The following PSMG2 variants were observed in gnomAD, a reference collection of about 807,000 sequenced individuals.
PSMG2 encodes the protein CD40 ligand-activated specific transcript 3.
Under a neutral mutation model 31.5 loss-of-function variants are expected in PSMG2, and 21 were observed. That is an observed-to-expected ratio of 0.67 (90% CI 0.47 to 0.96). The LOEUF is 0.96. Among genes scored for constraint, PSMG2 ranks in the 40% least tolerant of loss-of-function variants. The pLI is 0.00. For missense variants in PSMG2, 318 were observed against 321.2 expected (o/e 0.99, Z 0.08); for synonymous variants, 120 against 110.4 (o/e 1.09, Z -0.54).
chr18:12,699,829 C>CT (rs747064410), upstream of PSMG2: 89 of 1,509,298 alleles, frequency 5.9e-5, no homozygotes, highest in Admixed American at 2.1e-4. Context: ...AATATACATA[C>CT]TTTTTTTTAA....
At chr18:12,693,089 G>T (rs972039727) in intron 1 of PSMG2, among the ~76,000 whole-genome samples, 2 of 152,172 alleles carry the variant, frequency 1.3e-5, no homozygotes, top group Admixed American at 1.3e-4. Flanking sequence ...CTCCCAAAGT[G>T]CTGGGATTAC....
intron 1 of PSMG2, chr18:12,678,219 T>G (rs1013817335): frequency 6.2e-7 from 1 of 1,614,174 alleles, no homozygotes; most frequent in South Asian, 1.1e-5. Context: ...AGGGATGTTG[T>G]AGCTCCAGGA....
At chr18:12,707,078 C>T (rs1156624443) in intron 2 of PSMG2, among the ~76,000 whole-genome samples, 2 of 152,200 alleles carry the variant, frequency 1.3e-5, no homozygotes, top group Non-Finnish European at 2.9e-5. Context: ...ACCTCAGCCT[C>T]CCGAGTAGCT....
chr18:12,695,587 T>G (rs894253370), intron 1 of PSMG2, among the ~76,000 whole-genome samples: 8 of 147,754 alleles, frequency 5.4e-5, no homozygotes, highest in Admixed American at 4.0e-4. Context: ...CTTTTTCTTC[T>G]TTAAGTAGAG....
chr18:12,666,285 C>T (rs950715124), intron 1 of PSMG2, among the ~76,000 whole-genome samples: 11 of 152,074 alleles, frequency 7.2e-5, no homozygotes, highest in African/African-American at 2.2e-4. Flanking sequence ...GCTGTGATCA[C>T]ACCCCTGCAC....
intron 1 of PSMG2, among the ~76,000 whole-genome samples, chr18:12,664,758 G>A (rs2038771471): frequency 6.6e-6 from 1 of 150,440 alleles, no homozygotes; most frequent in African/African-American, 2.4e-5. Context: ...GAGTGCAGTG[G>A]TACAATCTCA....
At chr18:12,672,876 A>T (rs1240729552) in intron 1 of PSMG2, 51 of 985,238 alleles carry the variant, frequency 5.2e-5, no homozygotes, top group Non-Finnish European at 5.9e-5. Context: ...AATAAACCAC[A>T]AAAGTGGTAA....
chr18:12,687,202 A>T (rs1462579447), intron 1 of PSMG2, among the ~76,000 whole-genome samples: 38 of 152,138 alleles, frequency 2.5e-4, no homozygotes, highest in Admixed American at 2.4e-3. Context: ...ACCCTCCCTG[A>T]TAGGGTTCCT....
At position 12,724,551 on chromosome 18, in the gene PSMG2, G is replaced by A. The variant is rs780141358; in HGVS notation, c.634G>A (p.Asp212Asn). ...AVLLKFVSEG[D>N]NIPDALGLVE... ...TCTGCTGAAATTTGTTTCAGAAGGG[G>A]ACAACATCCCAGATGCATTAGGTCT... is the stretch of plus-strand genomic sequence containing the variant. Residue 212 changes from aspartate to asparagine, a missense_variant, in exon 6 of 7, where the codon GAC becomes AAC. Physicochemically the swap from Asp to Asn is conservative, Grantham distance 23. Transcript: ENST00000317615. The A allele has an allele frequency of 9.9e-6, 16 of 1,610,522 alleles. No homozygotes were observed. The highest frequency in any genetic ancestry group is 1.3e-5 in the Non-Finnish European group (15 of 1,178,554).
chr18:12,669,216 G>A (rs1033360586), intron 1 of PSMG2, among the ~76,000 whole-genome samples: 3 of 151,356 alleles, frequency 2.0e-5, no homozygotes, highest in Admixed American at 6.6e-5. Flanking sequence ...AGATTGAAGC[G>A]ATTCTCCTGT....
At chr18:12,679,971 A>C (rs535626835) in intron 1 of PSMG2, among the ~76,000 whole-genome samples, 1 of 151,750 alleles carries the variant, frequency 6.6e-6, no homozygotes, top group Admixed American at 6.6e-5. Context: ...TAGGAGGACC[A>C]CCAGAACCCA....
At chr18:12,721,081 G>A (rs1230605914) in intron 5 of PSMG2, among the ~76,000 whole-genome samples, 3 of 151,364 alleles carry the variant, frequency 2.0e-5, no homozygotes, top group East Asian at 2.0e-4. Flanking sequence ...TCGGGAGGCC[G>A]AGGCAGGAGA....
chr18:12,694,767 A>G (rs2039889596), intron 1 of PSMG2, among the ~76,000 whole-genome samples: 2 of 149,142 alleles, frequency 1.3e-5, no homozygotes, highest in Non-Finnish European at 1.5e-5. Flanking sequence ...GCTGGAGTGC[A>G]CTGGTGCGAT....
In PSMG2 at chr18:12,666,170, A is replaced by G. The variant is rs763459677; in HGVS notation, c.-37+7397A>G. Among the ~76,000 whole-genome samples, 650 of 141,692 alleles carry G rather than the reference A, an allele frequency of 4.6e-3. 4 individuals carry two copies. Among genetic ancestry groups the G allele is most frequent in the Middle Eastern group, 0.024 (7 of 288 alleles). The allele number at this position is 141,692 out of a possible 152,430, so 93.0% of individuals were successfully genotyped here. On this transcript the variant is annotated intron_variant, in intron 1 of 6. Coordinates refer to the PSMG2 transcript ENST00000585331. ...CATCTCTACAAAAAAAAAAAAAAAA[A>G]GTTTAAAATTAGCCAGTCATGGTGG...
intron 1 of PSMG2, among the ~76,000 whole-genome samples, chr18:12,673,888 A>G (rs1435206450): frequency 2.0e-5 from 3 of 152,188 alleles, no homozygotes; most frequent in Non-Finnish European, 2.9e-5. Context: ...CTCAAAAATA[A>G]ATAAATAAAA....
upstream of PSMG2, chr18:12,702,695 C>T: frequency 9.2e-6 from 8 of 864,892 alleles, no homozygotes; most frequent in South Asian, 1.3e-4. Context: ...GACGCAACGC[C>T]GCGTCAGGCC....
chr18:12,690,849 T>C (rs911809710), intron 1 of PSMG2, among the ~76,000 whole-genome samples: 3 of 152,152 alleles, frequency 2.0e-5, no homozygotes, highest in African/African-American at 7.2e-5. Flanking sequence ...TTGAAATGCT[T>C]CAGTTAAACA....
intron 1 of PSMG2, among the ~76,000 whole-genome samples, chr18:12,659,064 GAT>G (rs2038640971): frequency 6.6e-6 from 1 of 152,138 alleles, no homozygotes; most frequent in Non-Finnish European, 1.5e-5. Flanking sequence ...CAATAAAACA[GAT>G]AATTCTTAAT....
At chr18:12,723,618 C>T (rs1450777151) in intron 5 of PSMG2, among the ~76,000 whole-genome samples, 2 of 152,106 alleles carry the variant, frequency 1.3e-5, no homozygotes, top group Admixed American at 6.6e-5. Context: ...TCTCGAACTC[C>T]TGACCTCAAA....
Sources: allele counts gnomAD v4.1 joint callset (sites outside exome capture counted in the v4.1 genomes callset), GRCh38; gene constraint gnomAD v4.1.1; transcripts MANE v1.5; gene names NCBI Gene and HGNC (gene_info 2026-07-23, HGNC 2026-07-21).